Variants in MSH3 observed in about 807,000 individuals in gnomAD.
The protein encoded by MSH3 is mutS homolog 3.
A neutral mutation model predicts 123.3 loss-of-function variants in MSH3; 106 were observed. That is an observed-to-expected ratio of 0.86 (90% CI 0.73 to 1.01). MSH3 has a LOEUF of 1.01. Ranked by LOEUF, MSH3 falls within the 50% of genes least tolerant of loss-of-function variation. The pLI is 0.00. For synonymous variants in MSH3, 515 were observed against 481.4 expected (o/e 1.07, Z -0.91); for missense variants, 1,459 against 1,347.6 (o/e 1.08, Z -1.29).
intron 21 of MSH3, among the ~76,000 whole-genome samples, chr5:80,863,940 T>G (rs1050644415): frequency 6.6e-6 from 1 of 152,146 alleles, no homozygotes; most frequent in Non-Finnish European, 1.5e-5. Flanking sequence ...TGGCTCTTAG[T>G]TGATTATCTC....
At chr5:80,702,270 G>T (rs1750630323) in intron 8 of MSH3, among the ~76,000 whole-genome samples, 2 of 152,240 alleles carry the variant, frequency 1.3e-5, no homozygotes, top group South Asian at 4.2e-4. Flanking sequence ...GCCTGGCTGA[G>T]CTGGGCTCTG....
chr5:80,777,585 A>T (rs1744327844), intron 16 of MSH3, among the ~76,000 whole-genome samples: 1 of 152,208 alleles, frequency 6.6e-6, no homozygotes, highest in African/African-American at 2.4e-5. Flanking sequence ...AATCAGTGAC[A>T]CCATCTTTCA....
intron 22 of MSH3, among the ~76,000 whole-genome samples, chr5:80,870,661 TCCCACTTCAGCA>T (rs1746197037): frequency 6.6e-6 from 1 of 152,156 alleles, no homozygotes; most frequent in Non-Finnish European, 1.5e-5. Context: ...TCTTTCCACC[TCCCACTTCAGCA>T]CCCACCCTTG....
At chr5:80,805,383 C>A (rs1235325562) in intron 19 of MSH3, among the ~76,000 whole-genome samples, 1 of 152,166 alleles carries the variant, frequency 6.6e-6, no homozygotes, top group Non-Finnish European at 1.5e-5. Context: ...TTTTACTTTT[C>A]AAGCATCTAA....
intron 8 of MSH3, among the ~76,000 whole-genome samples, chr5:80,690,856 T>C (rs1471649799): frequency 6.6e-6 from 1 of 152,172 alleles, no homozygotes; most frequent in African/African-American, 2.4e-5. Flanking sequence ...TACCAGAGTA[T>C]ATCACGTGTA....
chr5:80,695,006 G>A (rs1580568321), intron 8 of MSH3, among the ~76,000 whole-genome samples: 1 of 146,592 alleles, frequency 6.8e-6, no homozygotes, highest in South Asian at 2.2e-4. Flanking sequence ...TCTGAAAGTT[G>A]ATGTCTCTTG....
At chr5:80,655,657 A>G (rs1382715590) in intron 1 of MSH3, 2 of 181,230 alleles carry the variant, frequency 1.1e-5, no homozygotes, top group African/African-American at 4.7e-5. Flanking sequence ...GGTCACCTGC[A>G]CAGTATTTTT....
At chr5:80,769,741 T>C (rs1377026268) in intron 15 of MSH3, among the ~76,000 whole-genome samples, 1 of 152,146 alleles carries the variant, frequency 6.6e-6, no homozygotes, top group Non-Finnish European at 1.5e-5. Context: ...GGTTAACTTC[T>C]ATAGAATGAG....
At chr5:80,855,873 C>CTTTTTTTTTTT (rs5869058) in intron 21 of MSH3, 10 of 107,136 alleles carry the variant, frequency 9.3e-5, no homozygotes, top group Non-Finnish European at 1.2e-4. Flanking sequence ...TCCTCCTCCT[C>CTTTTTTTTTTT]TTTTTTTTTT....
At chr5:80,776,552 GAAA>G (rs967702817) in intron 16 of MSH3, among the ~76,000 whole-genome samples, 1 of 151,740 alleles carries the variant, frequency 6.6e-6, no homozygotes, top group African/African-American at 2.4e-5. Context: ...ATGAATTGAT[GAAA>G]ATAAATTAAT....
At chr5:80,771,923 T>C (rs1744218374) in intron 15 of MSH3, among the ~76,000 whole-genome samples, 1 of 152,190 alleles carries the variant, frequency 6.6e-6, no homozygotes, top group African/African-American at 2.4e-5. Flanking sequence ...AAACTTTATA[T>C]TTTTATGTAA....
At chr5:80,828,745 T>C (rs1472329677) in intron 20 of MSH3, among the ~76,000 whole-genome samples, 5 of 152,106 alleles carry the variant, frequency 3.3e-5, no homozygotes, top group African/African-American at 1.2e-4. Context: ...CCCAAATAAG[T>C]CCAACACCCA....
chr5:80,686,413 G>A (rs767997991), intron 8 of MSH3, among the ~76,000 whole-genome samples: 1 of 150,710 alleles, frequency 6.6e-6, no homozygotes, highest in Non-Finnish European at 1.5e-5. Context: ...AGCGATTCTC[G>A]TGCCTCAGCC....
At chr5:80,786,862 G>A (rs907095699) in intron 17 of MSH3, among the ~76,000 whole-genome samples, 1 of 151,924 alleles carries the variant, frequency 6.6e-6, no homozygotes, top group Admixed American at 6.6e-5. Context: ...AGCCATTTAG[G>A]CTTTTAGATC....
intron 23 of MSH3, among the ~76,000 whole-genome samples, chr5:80,874,785 A>T (rs1554077528): frequency 6.6e-6 from 1 of 152,144 alleles, no homozygotes; most frequent in Non-Finnish European, 1.5e-5. Flanking sequence ...GAGCAAAAAA[A>T]CTCTCAGATT....
At chr5:80,692,424 T>TTAGA (rs1318144765) in intron 8 of MSH3, among the ~76,000 whole-genome samples, 1 of 33,752 alleles carries the variant, frequency 3.0e-5, no homozygotes, top group African/African-American at 2.4e-4. Context: ...ATGTATATGT[T>TTAGA]TAGATAGATA....
chr5:80,776,081 G>A lies in MSH3; in HGVS notation c.2318+323G>A, dbSNP rs1247187481. ...ATTTTTGTATTTTTAGTAGAGACGG[G>A]GTTTCACCCTGTTGGCCAGGCTGGT... On this transcript the variant is annotated intron_variant, in intron 16 of 23. Transcript: ENST00000265081. 7.9e-5 allele frequency among the ~76,000 whole-genome samples: 12 copies of A among 151,970 alleles called. No individual in the cohort carries two copies. The East Asian group carries it at 2.3e-3, about 29-fold the overall frequency.
At chr5:80,705,775 G>A (rs1398587377) in intron 8 of MSH3, among the ~76,000 whole-genome samples, 1 of 151,984 alleles carries the variant, frequency 6.6e-6, no homozygotes, top group East Asian at 1.9e-4. Flanking sequence ...TCTTCATATC[G>A]TCTTTCCTCC....
intron 12 of MSH3, among the ~76,000 whole-genome samples, chr5:80,759,505 CT>C (rs1177205266): frequency 6.6e-6 from 1 of 152,154 alleles, no homozygotes; most frequent in Non-Finnish European, 1.5e-5. Flanking sequence ...CTGACTGGAA[CT>C]TAGAGTAGGA....
Sources: gnomAD v4.1 joint callset for allele counts (sites outside exome capture counted in the v4.1 genomes callset) on GRCh38, gnomAD v4.1.1 for gene constraint, MANE v1.5 for transcripts, NCBI Gene and HGNC (gene_info 2026-07-23, HGNC 2026-07-21) for gene names.